Variants in ZBTB41 observed in about 807,000 individuals in gnomAD.
ZBTB41 encodes the protein zinc finger and BTB domain-containing protein 41.
A neutral mutation model predicts 87.6 loss-of-function variants in ZBTB41; 42 were observed. The observed-to-expected ratio is 0.48, with a 90% CI of 0.37 to 0.62. The LOEUF (loss-of-function observed/expected upper bound fraction) is 0.62. ZBTB41 is among the 20% of genes least tolerant of loss of function. ZBTB41 has a pLI of 0.00. For synonymous variants in ZBTB41, 364 were observed against 364.0 expected, an observed-to-expected ratio of 1.00 and a Z score of 0.00; for missense variants, 799 against 1,078.9, an observed-to-expected ratio of 0.74 and a Z score of 3.63.
At chr1:197,161,215 T>C (rs1040729786) in intron 10 of ZBTB41, among the ~76,000 whole-genome samples, 1 of 152,076 alleles carries the variant, frequency 6.6e-6, no homozygotes, top group Non-Finnish European at 1.5e-5. Flanking sequence ...AACCACCAAA[T>C]TTGTGGTGGT....
chr1:197,163,462 ACT>A (rs772239930), intron 10 of ZBTB41, among the ~76,000 whole-genome samples: 8 of 152,026 alleles, frequency 5.3e-5, no homozygotes, highest in Non-Finnish European at 1.0e-4. Flanking sequence ...AAAAAAGGAA[ACT>A]CTAAAAAAGA....
intron 2 of ZBTB41, among the ~76,000 whole-genome samples, chr1:197,195,582 G>A (rs1200309185): frequency 6.6e-6 from 1 of 152,200 alleles, no homozygotes; most frequent in Non-Finnish European, 1.5e-5. Context: ...ATATCTGCAC[G>A]ATGGACTAGT....
chr1:197,199,452 A>T lies in ZBTB41; in HGVS notation c.1022T>A (p.Val341Glu), dbSNP rs766817408. ...AEEEPEAGDS[V>E]GNVHEGLTPV... ...AGTTAACCCCTCATGAACATTTCCT[A>T]CAGAATCACCAGCCTCAGGTTCTTC... Residue 341 changes from valine (V) to glutamate (E), a missense_variant, in exon 2 of 11, where the codon GTA becomes GAA. Val to Glu is a moderately radical substitution (Grantham distance 121). Transcript: ENST00000367405. 6.2e-7 allele frequency: 1 copy of T among 1,612,848 alleles called. No homozygotes were observed. Among genetic ancestry groups the T allele is most frequent in the Non-Finnish European group, 8.5e-7 (1 of 1,179,636 alleles).
rs571448888 is a variant in ZBTB41 at position 197,178,493 on chromosome 1, A to G, written c.1696T>C (p.Leu566=). Residue 566 remains leucine, a synonymous_variant, in exon 7 of 11, where the codon TTG becomes CTG. Transcript: ENST00000367405. ...GGCTTTTCTCCACTGTGGATTCTCA[A>G]ATGTTCTTTCAAAGTAGTTCTGCAT... ...VRERTTLKEH[L]RIHSGEKPHL... 14 of 1,606,194 alleles carry G rather than the reference A, an allele frequency of 8.7e-6. No individual in the cohort carries two copies. The East Asian group carries it at 2.9e-4, about 34-fold the overall frequency.
chr1:197,167,112 T>C (rs1659365378), intron 10 of ZBTB41, among the ~76,000 whole-genome samples: 1 of 152,148 alleles, frequency 6.6e-6, no homozygotes, highest in Admixed American at 6.5e-5. Context: ...ATGTACAAAA[T>C]ATAAGCAAAT....
chr1:197,192,309 TG>T (rs1402647118), intron 2 of ZBTB41, among the ~76,000 whole-genome samples: 3 of 152,204 alleles, frequency 2.0e-5, no homozygotes, highest in African/African-American at 7.2e-5. Flanking sequence ...GGTATCTCTG[TG>T]GGTCCATACA....
chr1:197,163,778 T>C (rs1307654608), intron 10 of ZBTB41, among the ~76,000 whole-genome samples: 1 of 151,980 alleles, frequency 6.6e-6, no homozygotes, highest in Non-Finnish European at 1.5e-5. Context: ...ATAAGACTGA[T>C]AGTATATTTT....
chr1:197,162,023 T>C (rs1394192490), intron 10 of ZBTB41, among the ~76,000 whole-genome samples: 1 of 152,182 alleles, frequency 6.6e-6, no homozygotes, highest in Non-Finnish European at 1.5e-5. Flanking sequence ...TTTTTAAACT[T>C]AGAATAATCT....
chr1:197,173,710 C>A (rs1659530435), intron 9 of ZBTB41, among the ~76,000 whole-genome samples: 1 of 152,104 alleles, frequency 6.6e-6, no homozygotes, highest in African/African-American at 2.4e-5. Context: ...TGGCAAAAGA[C>A]TCCTAACCAG....
Position 197,159,344 on chromosome 1 carries a change from A to G in ZBTB41, c.*15T>C, listed in dbSNP as rs1557972953. On this transcript the variant is annotated 3_prime_UTR_variant, in exon 11 of 11. Transcript: ENST00000367405. ...CATATAACCATCCAAAAATCTGTGG[A>G]ATGTTTAGATTTACTCATGAATGAT... The G allele has an allele frequency of 6.2e-7, 1 of 1,610,730 alleles. No homozygotes were observed. The highest frequency in any genetic ancestry group is 1.1e-5 in the South Asian group (1 of 90,964).
At position 197,155,538 on chromosome 1, in the gene ZBTB41, A is replaced by G. The variant is rs1424325635; in HGVS notation, c.*3821T>C. Reference sequence around the variant, plus strand: ...AAATCTGACATTTCATCACTGATATATGAGAGTGATATGGTAGGAAGAAAA... The same window carrying G: ...AAATCTGACATTTCATCACTGATATGTGAGAGTGATATGGTAGGAAGAAAA... On this transcript the variant is annotated 3_prime_UTR_variant, in exon 11 of 11. Transcript: ENST00000367405. 1 of 152,340 alleles carries G rather than the reference A, an allele frequency of 6.6e-6. No individual in the cohort carries two copies. Among genetic ancestry groups the G allele is most frequent in the East Asian group, 1.9e-4 (1 of 5,202 alleles). 9.4% of individuals were successfully genotyped at this position (152,340 alleles called of 1,614,324 possible). A position where few individuals can be genotyped will look rare whatever the true frequency, so the allele number is the denominator to read the frequency against.
At chr1:197,174,417 C>A (rs909024480) in intron 9 of ZBTB41, among the ~76,000 whole-genome samples, 1 of 151,982 alleles carries the variant, frequency 6.6e-6, no homozygotes, top group Non-Finnish European at 1.5e-5. Flanking sequence ...CGTGTTAATC[C>A]TATGTACATT....
Position 197,199,934 on chromosome 1 carries a change from G to A in ZBTB41, c.540C>T (p.Ala180=), listed in dbSNP as rs748556532. ...TTTCAGTTAGCTCTGAATGAAAAGG[G>A]GCAACATTTTCGTTATTTAACAACT... ...AVKLLNNENV[A]PFHSELTEKS... is the part of the protein sequence containing the mutation. The change falls in exon 2 of 11, where the codon GCC becomes GCT. Residue 180 remains alanine, a synonymous_variant. Transcript: ENST00000367405. 2.5e-6 allele frequency: 4 copies of A among 1,612,726 alleles called. No individual in the cohort carries two copies. Among genetic ancestry groups the A allele is most frequent in the Non-Finnish European group, 3.4e-6 (4 of 1,179,334 alleles).
Position 197,178,234 on chromosome 1 carries a change from C to T in ZBTB41, c.1772+183G>A, listed in dbSNP as rs533056537. 4.0e-5 allele frequency among the ~76,000 whole-genome samples: 6 copies of T among 151,094 alleles called. No homozygotes were observed. The East Asian group carries it at 9.7e-4, about 24-fold the overall frequency. ...AGAAAATATTTAATAATATTTTATA[C>T]CACAGAATAAAGATAATAAAATGTT... On this transcript the variant is annotated intron_variant, in intron 7 of 10. Coordinates refer to ENST00000367405, the MANE Select transcript of ZBTB41 (RefSeq NM_194314.3).
At chr1:197,169,543 T>C (rs562663304) in intron 10 of ZBTB41, among the ~76,000 whole-genome samples, 2 of 152,174 alleles carry the variant, frequency 1.3e-5, no homozygotes, top group South Asian at 4.1e-4. Context: ...ATAGTCATCA[T>C]CTTTGCAAGG....
intron 10 of ZBTB41, among the ~76,000 whole-genome samples, chr1:197,164,150 C>T (rs1215493899): frequency 6.6e-6 from 1 of 151,970 alleles, no homozygotes; most frequent in Non-Finnish European, 1.5e-5. Context: ...AAGGTATTTG[C>T]AGTTTCTGGA....
At chr1:197,172,930 G>GAC in intron 9 of ZBTB41, among the ~76,000 whole-genome samples, 1 of 152,022 alleles carries the variant, frequency 6.6e-6, no homozygotes, top group African/African-American at 2.4e-5. Context: ...TGAAATATTA[G>GAC]TCCTTTATTT....
chr1:197,182,557 G>A (rs1230654786), intron 5 of ZBTB41, among the ~76,000 whole-genome samples: 2 of 152,050 alleles, frequency 1.3e-5, no homozygotes, highest in African/African-American at 2.4e-5. Context: ...TTACAGACGT[G>A]AGTCACCATG....
rs745889891 is a variant in ZBTB41 at position 197,159,322 on chromosome 1, A to G, written c.*37T>C. The G allele has an allele frequency of 5.0e-5, 80 of 1,602,320 alleles. No individual in the cohort carries two copies. Among genetic ancestry groups the G allele is most frequent in the Middle Eastern group, 3.3e-4 (2 of 6,022 alleles). On this transcript the variant is annotated 3_prime_UTR_variant, in exon 11 of 11. Coordinates refer to ENST00000367405, the MANE Select transcript of ZBTB41 (RefSeq NM_194314.3). Reference sequence around the variant, plus strand: ...AAGCTATCATCTCTACCATTAGCATATAACCATCCAAAAATCTGTGGAATG... The same window carrying G: ...AAGCTATCATCTCTACCATTAGCATGTAACCATCCAAAAATCTGTGGAATG...
Sources: gnomAD v4.1 joint callset for allele counts (sites outside exome capture counted in the v4.1 genomes callset) on GRCh38, gnomAD v4.1.1 for gene constraint, MANE v1.5 for transcripts, NCBI Gene and HGNC (gene_info 2026-07-23, HGNC 2026-07-21) for gene names.